The following UPP2 variants were observed in gnomAD, a reference collection of about 807,000 sequenced individuals.
UPP2 encodes UPase 2.
Under a neutral mutation model 26.7 loss-of-function variants are expected in UPP2, and 23 were observed. The ratio of observed to expected loss-of-function variants is 0.86; its 90% CI spans 0.62 to 1.22. The LOEUF (loss-of-function observed/expected upper bound fraction) is 1.22, where lower values mean the gene tolerates loss of function less well. Ranked by LOEUF, UPP2 falls within the 50% of genes most tolerant of loss-of-function variation. The probability of loss-of-function intolerance (pLI) is 0.00; values close to 1 mark genes in which losing one functional copy is unlikely to be tolerated. For synonymous variants in UPP2, 127 were observed against 141.3 expected (o/e 0.90, Z 0.72); for missense variants, 387 against 396.7 (o/e 0.98, Z 0.21).
intron 3 of UPP2, among the ~76,000 whole-genome samples, chr2:158,049,001 G>A (rs994004885): frequency 2.6e-5 from 4 of 152,136 alleles, no homozygotes; most frequent in African/African-American, 9.7e-5. Context: ...CTTGCTCCAG[G>A]CACCCAGTGC....
At position 158,013,290 on chromosome 2, in the gene UPP2, C is replaced by T. The variant is rs114313471; in HGVS notation, c.62-2511C>T. ...GCATTACAGGCATGAGCCATCACAC[C>T]TGGCCAATAATTCTTTTTCATGAAT... On this transcript the variant is annotated intron_variant, in intron 2 of 9. Transcript: ENST00000605860. 4.3e-3 allele frequency among the ~76,000 whole-genome samples: 652 copies of T among 152,288 alleles called. 7 individuals are homozygous for T. The highest frequency in any genetic ancestry group is 0.015 in the African/African-American group (625 of 41,552).
At chr2:158,125,440 CAG>C (rs893850872) in intron 6 of UPP2, among the ~76,000 whole-genome samples, 1 of 145,768 alleles carries the variant, frequency 6.9e-6, no homozygotes, top group Non-Finnish European at 1.5e-5. Context: ...TTTTTTGAGA[CAG>C]AGTCTCCCTC....
chr2:158,042,203 A>T (rs563320725), intron 3 of UPP2, among the ~76,000 whole-genome samples: 1 of 152,134 alleles, frequency 6.6e-6, no homozygotes, highest in East Asian at 1.9e-4. Context: ...GGAGCATCTC[A>T]CCCCTTCCCT....
intron 2 of UPP2, among the ~76,000 whole-genome samples, chr2:157,996,019 A>G (rs555375433): frequency 1.3e-5 from 2 of 152,326 alleles, no homozygotes; most frequent in Admixed American, 6.5e-5. Flanking sequence ...GTCCCAGCTC[A>G]ATGTGGGAAT....
chr2:158,037,078 A>C (rs183837925), intron 3 of UPP2, among the ~76,000 whole-genome samples: 343 of 152,286 alleles, frequency 2.3e-3, no homozygotes, highest in African/African-American at 7.9e-3. Context: ...AAAGGATAGA[A>C]ATGTAACAAT....
chr2:158,039,403 G>T (rs1486296211), intron 3 of UPP2, among the ~76,000 whole-genome samples: 1 of 152,218 alleles, frequency 6.6e-6, no homozygotes, highest in African/African-American at 2.4e-5. Context: ...CAAAGCAAAT[G>T]CTAAGTATCA....
At chr2:158,096,369 C>T (rs1307555755) in intron 3 of UPP2, among the ~76,000 whole-genome samples, 1 of 152,184 alleles carries the variant, frequency 6.6e-6, no homozygotes, top group African/African-American at 2.4e-5. Flanking sequence ...GAGGCCAAGG[C>T]AGGCGGATTA....
chr2:158,113,036 C>A (rs976276248), intron 2 of UPP2, among the ~76,000 whole-genome samples: 2 of 152,136 alleles, frequency 1.3e-5, no homozygotes, highest in African/African-American at 4.8e-5. Flanking sequence ...ATTAAAGCAG[C>A]CAGACCGAAA....
intron 5 of UPP2, 132 bp from the exon 6 acceptor site, chr2:158,123,617 T>C (rs912344632): frequency 6.6e-5 from 70 of 1,061,514 alleles, no homozygotes; most frequent in Middle Eastern, 3.1e-4. Context: ...CACAGCTCAG[T>C]TTATCCTACA....
intron 3 of UPP2, among the ~76,000 whole-genome samples, chr2:158,078,130 T>A (rs1682659884): frequency 6.6e-6 from 1 of 152,088 alleles, no homozygotes; most frequent in South Asian, 2.1e-4. Flanking sequence ...TGACAGCTAA[T>A]AACAAATGCT....
At chr2:158,066,515 C>T (rs936574416) in intron 3 of UPP2, among the ~76,000 whole-genome samples, 18 of 152,180 alleles carry the variant, frequency 1.2e-4, no homozygotes, top group African/African-American at 4.1e-4. Context: ...TAGTTTATTC[C>T]TTCAATCATT....
chr2:158,095,941 G>C (rs1243759400), intron 3 of UPP2, among the ~76,000 whole-genome samples: 1 of 151,948 alleles, frequency 6.6e-6, no homozygotes, highest in Non-Finnish European at 1.5e-5. Context: ...TTGAATTTTT[G>C]TTAGACACGC....
intron 3 of UPP2, among the ~76,000 whole-genome samples, chr2:158,072,255 G>A (rs1044108589): frequency 2.0e-5 from 3 of 152,018 alleles, no homozygotes; most frequent in Non-Finnish European, 4.4e-5. Flanking sequence ...AGTGGAAAAG[G>A]GAGGGAAGAA....
At chr2:158,041,957 C>A (rs1192287149) in intron 3 of UPP2, among the ~76,000 whole-genome samples, 1 of 152,148 alleles carries the variant, frequency 6.6e-6, no homozygotes, top group African/African-American at 2.4e-5. Flanking sequence ...CCAAGGAAAT[C>A]AAAAAGCCTA....
chr2:158,101,424 T>C (rs1289317359), upstream of UPP2, among the ~76,000 whole-genome samples: 1 of 152,222 alleles, frequency 6.6e-6, no homozygotes, highest in Non-Finnish European at 1.5e-5. Context: ...TCAGTTCTTC[T>C]GTGTGAACTG....
chr2:158,015,662 G>A (rs993667460), intron 2 of UPP2: 8 of 398,694 alleles, frequency 2.0e-5, no homozygotes, highest in South Asian at 3.7e-5. Flanking sequence ...GGGGCCTGGC[G>A]GGAGGTGACT....
intron 3 of UPP2, among the ~76,000 whole-genome samples, chr2:158,043,612 G>A (rs1159691536): frequency 2.0e-5 from 3 of 152,220 alleles, no homozygotes; most frequent in African/African-American, 7.2e-5. Flanking sequence ...GGAGATAATG[G>A]TGATTCAATG....
chr2:158,019,639 A>AACACACACAC (rs57149695), intron 3 of UPP2, among the ~76,000 whole-genome samples: 4 of 141,196 alleles, frequency 2.8e-5, no homozygotes, highest in Non-Finnish European at 4.6e-5. Flanking sequence ...AATCCTTTAA[A>AACACACACAC]ACACACACAC....
intron 1 of UPP2, among the ~76,000 whole-genome samples, chr2:158,102,674 G>C (rs1683101281): frequency 6.6e-6 from 1 of 152,142 alleles, no homozygotes; most frequent in African/African-American, 2.4e-5. Context: ...TCCTGCCCCA[G>C]GTTAACAGAA....
Sources: gnomAD v4.1 joint callset for allele counts (sites outside exome capture counted in the v4.1 genomes callset) on GRCh38, gnomAD v4.1.1 for gene constraint, MANE v1.5 for transcripts, NCBI Gene and HGNC (gene_info 2026-07-23, HGNC 2026-07-21) for gene names.